Variants in IL1RAPL1 observed in about 807,000 individuals in gnomAD.
IL1RAPL1 encodes interleukin-1 receptor accessory protein-like 1.
In IL1RAPL1, 3 loss-of-function variants were observed where a neutral mutation model predicts 48.4. The ratio of observed to expected loss-of-function variants is 0.06; its 90% CI spans 0.03 to 0.16. The LOEUF (loss-of-function observed/expected upper bound fraction) is 0.16. Among genes scored for constraint, IL1RAPL1 ranks in the 10% least tolerant of loss-of-function variants. The pLI is 1.00. For missense variants in IL1RAPL1, 349 were observed against 530.6 expected (o/e 0.66, Z 3.36); for synonymous variants, 185 against 187.7 (o/e 0.99, Z 0.12).
chrX:28,599,677 G>A (rs1933998518), intron 1 of IL1RAPL1, among the ~76,000 whole-genome samples: 1 of 111,895 alleles, frequency 8.9e-6, no homozygotes, highest in Non-Finnish European at 1.9e-5. Flanking sequence ...TGTAAGAATG[G>A]TGCTTAACAC....
At chrX:28,721,446 T>A (rs1172471222) in intron 1 of IL1RAPL1, among the ~76,000 whole-genome samples, 8 of 111,895 alleles carry the variant, frequency 7.1e-5, no homozygotes, top group Non-Finnish European at 9.4e-5. Context: ...GGGTTGTTTG[T>A]TTTTTTCTTG....
chrX:29,301,116 G>A (rs1317542155), intron 3 of IL1RAPL1, among the ~76,000 whole-genome samples: 1 of 111,395 alleles, frequency 9.0e-6, no homozygotes, highest in Non-Finnish European at 1.9e-5. Context: ...TGTAATTGCC[G>A]TAATTTCCTC....
rs1034992250 is a variant in IL1RAPL1 at position 28,742,074 on chromosome X, C to G, written c.-24-47246C>G. Among the ~76,000 whole-genome samples the G allele has an allele frequency of 3.1e-4, 34 of 111,212 alleles. 1 individual carries two copies. The highest frequency in any genetic ancestry group is 1.1e-3 in the African/African-American group (34 of 30,644). ...GGGAAATTTGAGTTCTCTGCGCAGA[C>G]TGGCAGAACGTCTCGTTGGGACATG... On this transcript the variant is annotated intron_variant, in intron 1 of 10. Coordinates refer to ENST00000378993, the MANE Select transcript of IL1RAPL1 (RefSeq NM_014271.4).
At chrX:29,278,995 C>T (rs1241010828) in intron 2 of IL1RAPL1, among the ~76,000 whole-genome samples, 1 of 112,091 alleles carries the variant, frequency 8.9e-6, no homozygotes, top group Non-Finnish European at 1.9e-5. Context: ...AACAATAATA[C>T]AATATAGAAG....
At chrX:28,787,786 CT>C (rs1376582381) in intron 1 of IL1RAPL1, among the ~76,000 whole-genome samples, 3 of 111,607 alleles carry the variant, frequency 2.7e-5, no homozygotes, top group Non-Finnish European at 5.6e-5. Flanking sequence ...GCATTTTCAT[CT>C]TTAATAAAGT....
Position 29,319,160 on chromosome X carries a change from G to GTCTGTCTGTCTGTCTATCTATCTA in IL1RAPL1, c.362+35946_362+35947insGTCTGTCTGTCTATCTATCTATCT, listed in dbSNP as rs370282992. ...ACGTATGATATCTGTCTATCTGTCT[G>GTCTGTCTGTCTGTCTATCTATCTA]TCTATCTATCTATCTATCTATCTAT... On this transcript the variant is annotated intron_variant, in intron 3 of 10. Coordinates refer to ENST00000378993, the MANE Select transcript of IL1RAPL1 (RefSeq NM_014271.4). 1.3e-3 allele frequency among the ~76,000 whole-genome samples: 113 copies of GTCTGTCTGTCTGTCTATCTATCTA among 84,982 alleles called. 2 individuals carry two copies. The highest frequency in any genetic ancestry group is 5.0e-3 in the African/African-American group (108 of 21,777). 73.8% of individuals were successfully genotyped at this position (84,982 alleles called of 115,157 possible).
intron 9 of IL1RAPL1, among the ~76,000 whole-genome samples, chrX:29,954,235 CAAAAAAAA>C (rs34345826): frequency 3.2e-3 from 98 of 30,422 alleles, no homozygotes; most frequent in Admixed American, 6.1e-3. Context: ...GACTGTGTCC[CAAAAAAAA>C]AAAAAAAAAA....
chrX:29,693,325 G>A (rs1296531347), intron 6 of IL1RAPL1, among the ~76,000 whole-genome samples: 2 of 112,314 alleles, frequency 1.8e-5, no homozygotes, highest in Non-Finnish European at 3.8e-5. Flanking sequence ...GCTTCTAAGT[G>A]TGTTACTACT....
intron 2 of IL1RAPL1, among the ~76,000 whole-genome samples, chrX:29,245,091 C>A (rs368817099): frequency 9.0e-6 from 1 of 111,123 alleles, no homozygotes; most frequent in Non-Finnish European, 1.9e-5. Flanking sequence ...CATGTCCCTG[C>A]GAAGGACATG....
At chrX:29,588,847 T>C (rs1169348756) in intron 5 of IL1RAPL1, among the ~76,000 whole-genome samples, 2 of 112,015 alleles carry the variant, frequency 1.8e-5, no homozygotes, top group African/African-American at 6.5e-5. Flanking sequence ...CATAATTCAA[T>C]AGAACACTTC....
At chrX:29,384,696 T>C (rs1390784768) in intron 3 of IL1RAPL1, among the ~76,000 whole-genome samples, 2 of 112,678 alleles carry the variant, frequency 1.8e-5, no homozygotes, top group African/African-American at 6.4e-5. Flanking sequence ...GGTAAGCCCA[T>C]GATGTTTCAA....
chrX:29,521,714 C>T (rs1334679633), intron 5 of IL1RAPL1, among the ~76,000 whole-genome samples: 1 of 111,615 alleles, frequency 9.0e-6, no homozygotes, highest in African/African-American at 3.3e-5. Context: ...TGATAGATGT[C>T]ATCACCAGTA....
chrX:28,748,575 C>T (rs1303407987), intron 1 of IL1RAPL1, among the ~76,000 whole-genome samples: 1 of 111,825 alleles, frequency 8.9e-6, no homozygotes, highest in Non-Finnish European at 1.9e-5. Context: ...ATGACTGATT[C>T]ATGAATTACC....
chrX:29,492,748 C>T (rs1935171747), intron 5 of IL1RAPL1, among the ~76,000 whole-genome samples: 3 of 111,931 alleles, frequency 2.7e-5, no homozygotes, highest in Admixed American at 9.5e-5. Context: ...GTCCCTTTGC[C>T]ATGTACAAGG....
At chrX:29,309,529 G>A (rs1932675490) in intron 3 of IL1RAPL1, among the ~76,000 whole-genome samples, 1 of 112,404 alleles carries the variant, frequency 8.9e-6, no homozygotes, top group African/African-American at 3.2e-5. Flanking sequence ...AAAAAAGGGC[G>A]GGGCTGGGCT....
intron 6 of IL1RAPL1, among the ~76,000 whole-genome samples, chrX:29,836,188 CTT>C (rs201175211): frequency 0.031 from 2,725 of 88,944 alleles, 81 homozygotes; most frequent in African/African-American, 0.12. Context: ...TTTCATTTTT[CTT>C]TTTTTTTTTT....
At chrX:29,802,791 G>GTATATA (rs1195101220) in intron 6 of IL1RAPL1, among the ~76,000 whole-genome samples, 150 of 34,048 alleles carry the variant, frequency 4.4e-3, no homozygotes, top group Non-Finnish European at 6.6e-3. Flanking sequence ...ATGTGTGTGT[G>GTATATA]TATATATATA....
At chrX:28,937,620 G>A (rs934984411) in intron 2 of IL1RAPL1, among the ~76,000 whole-genome samples, 2 of 111,265 alleles carry the variant, frequency 1.8e-5, no homozygotes, top group Non-Finnish European at 3.8e-5. Context: ...CATCACTCAA[G>A]TGTCTTAGGC....
chrX:28,641,192 C>A (rs1934535781), intron 1 of IL1RAPL1, among the ~76,000 whole-genome samples: 1 of 109,891 alleles, frequency 9.1e-6, no homozygotes, highest in Non-Finnish European at 1.9e-5. Context: ...TTAGGTATTT[C>A]TCCTAATGCT....
Sources: allele counts gnomAD v4.1 joint callset (sites outside exome capture counted in the v4.1 genomes callset), GRCh38; gene constraint gnomAD v4.1.1; transcripts MANE v1.5; gene names NCBI Gene and HGNC (gene_info 2026-07-23, HGNC 2026-07-21).